LIN52: variants seen among roughly 807,000 people sequenced by gnomAD.
LIN52 encodes lin-52 DREAM MuvB core complex component.
LIN52 carries 4 observed loss-of-function variants against 18.5 expected under a neutral mutation model. The ratio of observed to expected loss-of-function variants is 0.22; its 90% CI spans 0.11 to 0.49. The LOEUF is 0.49. LIN52 is among the 20% of genes least tolerant of loss of function. The pLI, the probability that LIN52 is intolerant of heterozygous loss-of-function variation, is 0.97. For missense variants in LIN52, 102 were observed against 139.5 expected (o/e 0.73, Z 1.35); for synonymous variants, 34 against 45.5 (o/e 0.75, Z 1.02).
chr14:74,160,205 G>C (rs907170381), intron 5 of LIN52, among the ~76,000 whole-genome samples: 2 of 152,118 alleles, frequency 1.3e-5, no homozygotes, highest in Non-Finnish European at 2.9e-5. Context: ...ATGCATAGAG[G>C]GAAGACAGTG....
At chr14:74,103,733 GTTTTTT>G (rs573188668) in intron 5 of LIN52, among the ~76,000 whole-genome samples, 3,427 of 45,330 alleles carry the variant, frequency 0.076, 147 homozygotes, top group East Asian at 0.17. Context: ...GGCCTGGCCA[GTTTTTT>G]TTTTTTTTTT....
At chr14:74,114,144 C>T in intron 5 of LIN52, 1 of 981,662 alleles carries the variant, frequency 1.0e-6, no homozygotes. Context: ...CAGCGCCCGG[C>T]CAGAAATGCT....
chr14:74,138,039 C>G (rs951079816), intron 5 of LIN52, among the ~76,000 whole-genome samples: 1 of 152,118 alleles, frequency 6.6e-6, no homozygotes, highest in Non-Finnish European at 1.5e-5. Flanking sequence ...TTTTGAAACA[C>G]AAATTGACAT....
intron 5 of LIN52, among the ~76,000 whole-genome samples, chr14:74,184,140 G>C (rs977462550): frequency 2.6e-5 from 4 of 152,170 alleles, no homozygotes; most frequent in African/African-American, 9.7e-5. Context: ...GAGTGCACAG[G>C]TGTGATCTTC....
chr14:74,127,500 C>T (rs751974214), intron 5 of LIN52, among the ~76,000 whole-genome samples: 1 of 152,090 alleles, frequency 6.6e-6, no homozygotes, highest in Non-Finnish European at 1.5e-5. Context: ...CTTAGGTTTA[C>T]TAAGGATTTT....
chr14:74,172,323 C>T (rs1334780735), intron 5 of LIN52, among the ~76,000 whole-genome samples: 1 of 152,154 alleles, frequency 6.6e-6, no homozygotes, highest in African/African-American at 2.4e-5. Context: ...CCAGTGCTGC[C>T]TCTGCCATTT....
chr14:74,152,262 C>CAA (rs33967967), intron 5 of LIN52, among the ~76,000 whole-genome samples: 17,700 of 130,284 alleles, frequency 0.14, 1,704 homozygotes, highest in East Asian at 0.58. Context: ...ACCTCCATCT[C>CAA]AAAAAAAAAA....
intron 3 of LIN52, among the ~76,000 whole-genome samples, 163 bp downstream of exon 3, chr14:74,096,148 C>G (rs965947892): frequency 2.0e-5 from 3 of 152,068 alleles, no homozygotes; most frequent in African/African-American, 7.2e-5. Flanking sequence ...GCAACTTCCA[C>G]TTACCAAGTT....
chr14:74,095,015 T>C (rs1334540700), intron 2 of LIN52, among the ~76,000 whole-genome samples: 1 of 151,690 alleles, frequency 6.6e-6, no homozygotes, highest in East Asian at 1.9e-4. Context: ...AGGCTCATCC[T>C]ATCACCCAGG....
chr14:74,096,922 C>T (rs1268061972), intron 3 of LIN52, among the ~76,000 whole-genome samples: 2 of 152,106 alleles, frequency 1.3e-5, no homozygotes, highest in Non-Finnish European at 2.9e-5. Flanking sequence ...ATTAAACTGC[C>T]AACCCAGAGC....
intron 5 of LIN52, among the ~76,000 whole-genome samples, chr14:74,165,118 C>A (rs1043448520): frequency 6.6e-6 from 1 of 152,070 alleles, no homozygotes; most frequent in African/African-American, 2.4e-5. Flanking sequence ...GAAAAGTAAT[C>A]ATAGTTAATA....
At chr14:74,091,719 A>G (rs1373414859) in intron 2 of LIN52, among the ~76,000 whole-genome samples, 3 of 141,626 alleles carry the variant, frequency 2.1e-5, no homozygotes, top group African/African-American at 7.9e-5. Flanking sequence ...GGCTGCAGTG[A>G]GCAGAGATTG....
At chr14:74,100,723 G>T (rs1393760409) in intron 4 of LIN52, among the ~76,000 whole-genome samples, 2 of 152,094 alleles carry the variant, frequency 1.3e-5, no homozygotes, top group African/African-American at 2.4e-5. Flanking sequence ...TGATCTGCCC[G>T]CCTTGGCCTC....
In LIN52 at chr14:74,156,440, A is replaced by G. The variant is rs1445513166; in HGVS notation, c.284-42482A>G. On this transcript the variant is annotated intron_variant, in intron 5 of 5. Transcript: ENST00000555028. ...GCATGGTCAATGGTGAGAAAAGTCT[A>G]TCCTCTACTACCACAGTTACTTCTT... 4.6e-5 allele frequency among the ~76,000 whole-genome samples: 7 copies of G among 152,202 alleles called. No individual in the cohort carries two copies. In the East Asian group the frequency reaches 1.3e-3, roughly 29 times the overall value.
At chr14:74,185,025 G>A (rs578083188) in intron 5 of LIN52, among the ~76,000 whole-genome samples, 49 of 151,710 alleles carry the variant, frequency 3.2e-4, no homozygotes, top group Middle Eastern at 6.8e-3. Context: ...TTGCTTTCAG[G>A]CATGTCAGGA....
At chr14:74,105,464 A>G (rs1187573235) in intron 5 of LIN52, among the ~76,000 whole-genome samples, 1 of 152,218 alleles carries the variant, frequency 6.6e-6, no homozygotes, top group Non-Finnish European at 1.5e-5. Context: ...TTTAGCTGAC[A>G]TGAAATAGCT....
intron 5 of LIN52, among the ~76,000 whole-genome samples, chr14:74,134,005 C>T (rs1450028532): frequency 4.6e-5 from 7 of 152,198 alleles, no homozygotes; most frequent in Non-Finnish European, 8.8e-5. Context: ...CTCAACTTTT[C>T]ATCAGCTCCA....
At chr14:74,092,747 T>A (rs2060781456) in intron 2 of LIN52, among the ~76,000 whole-genome samples, 1 of 151,534 alleles carries the variant, frequency 6.6e-6, no homozygotes, top group South Asian at 2.1e-4. Flanking sequence ...CGAAACCCTG[T>A]CTCTATCAAA....
chr14:74,185,334 A>G (rs1315688845), intron 5 of LIN52, among the ~76,000 whole-genome samples: 2 of 7,918 alleles, frequency 2.5e-4, no homozygotes, highest in Non-Finnish European at 3.0e-4. Flanking sequence ...TTTTTTTTTG[A>G]GATGGAGTCT....
Sources: allele counts gnomAD v4.1 joint callset (sites outside exome capture counted in the v4.1 genomes callset), GRCh38; gene constraint gnomAD v4.1.1; transcripts MANE v1.5; gene names NCBI Gene and HGNC (gene_info 2026-07-23, HGNC 2026-07-21).